Variants in LRP1B observed in about 807,000 individuals in gnomAD.
LRP1B encodes the protein LDL receptor related protein 1B.
A neutral mutation model predicts 556.6 loss-of-function variants in LRP1B; 217 were observed. The observed-to-expected ratio is 0.39, with a 90% CI of 0.35 to 0.44. The LOEUF (loss-of-function observed/expected upper bound fraction) is 0.44, where lower values mean the gene tolerates loss of function less well. LRP1B is among the 20% of genes least tolerant of loss of function. The pLI is 1.00. For missense variants in LRP1B, 5,053 were observed against 5,620.8 expected (o/e 0.90, Z 3.23); for synonymous variants, 2,047 against 1,865.8 (o/e 1.10, Z -2.50).
At chr2:141,293,947 G>A (rs1467441637) in intron 3 of LRP1B, among the ~76,000 whole-genome samples, 1 of 152,084 alleles carries the variant, frequency 6.6e-6, no homozygotes, top group African/African-American at 2.4e-5. Context: ...GCATATATGT[G>A]TATGCATGTA....
intron 84 of LRP1B, among the ~76,000 whole-genome samples, chr2:140,292,246 G>T (rs1177863222): frequency 2.0e-5 from 3 of 152,096 alleles, no homozygotes; most frequent in Non-Finnish European, 4.4e-5. Context: ...TAATCTCAAA[G>T]GGTTGTGTGA....
At chr2:141,324,329 A>G (rs2105477826) in intron 3 of LRP1B, among the ~76,000 whole-genome samples, 1 of 152,274 alleles carries the variant, frequency 6.6e-6, no homozygotes, top group Admixed American at 6.5e-5. Context: ...AAAATAAGAA[A>G]GAGCATCTCC....
intron 20 of LRP1B, among the ~76,000 whole-genome samples, chr2:140,924,471 A>T (rs1486878635): frequency 6.6e-6 from 1 of 152,092 alleles, no homozygotes; most frequent in African/African-American, 2.4e-5. Flanking sequence ...ACAATATTAT[A>T]AAGATGTTCA....
chr2:140,442,664 C>CA, intron 65 of LRP1B, 41 bp from the exon 66 acceptor site: 1 of 1,598,502 alleles, frequency 6.3e-7, no homozygotes, highest in Non-Finnish European at 8.5e-7. Flanking sequence ...CTTTGGAGAA[C>CA]ATATTTATTT....
intron 1 of LRP1B, among the ~76,000 whole-genome samples, chr2:141,891,057 CTCTCTTGAGATCTAACCT>C (rs1699275431): frequency 6.6e-6 from 1 of 152,056 alleles, no homozygotes; most frequent in African/African-American, 2.4e-5. Context: ...CAAAGATTAC[CTCTCTTGAGATCTAACCT>C]TCTCCACTTT....
chr2:141,200,293 A>G (rs79626561), intron 6 of LRP1B, among the ~76,000 whole-genome samples: 6,423 of 152,176 alleles, frequency 0.042, 465 homozygotes, highest in African/African-American at 0.14. Context: ...CAGTAACATG[A>G]ATGGAGCTGG....
Position 140,766,627 on chromosome 2 carries a change from T to C in LRP1B, c.5758+2586A>G, listed in dbSNP as rs1466895534. 2.0e-5 allele frequency among the ~76,000 whole-genome samples: 3 copies of C among 151,012 alleles called. No individual in the cohort carries two copies. In the East Asian group the frequency reaches 5.9e-4, roughly 29 times the overall value. On this transcript the variant is annotated intron_variant, in intron 35 of 90. Coordinates refer to ENST00000389484, the MANE Select transcript of LRP1B (RefSeq NM_018557.3). ...AAGCATCAGCTCTACAGACTGATGATGATGATGATGATGATGATGTTTATC... is the reference window on the plus strand; with the variant it reads ...AAGCATCAGCTCTACAGACTGATGACGATGATGATGATGATGATGTTTATC...
At chr2:140,878,055 C>T (rs796252620) in intron 25 of LRP1B, among the ~76,000 whole-genome samples, 11 of 151,898 alleles carry the variant, frequency 7.2e-5, no homozygotes, top group African/African-American at 2.2e-4. Flanking sequence ...GTTTATTGTT[C>T]GATAATGAAA....
intron 2 of LRP1B, among the ~76,000 whole-genome samples, 163 bp downstream of exon 2, chr2:141,810,103 GAAAGAAAGAAAAA>G (rs1696293168): frequency 7.9e-6 from 1 of 126,542 alleles, no homozygotes; most frequent in African/African-American, 2.8e-5. Context: ...AAAAAAGAAA[GAAAGAAAGAAAAA>G]GAAAGAAAGA....
At chr2:140,262,144 C>T (rs78768846) in intron 86 of LRP1B, among the ~76,000 whole-genome samples, 4,608 of 151,950 alleles carry the variant, frequency 0.03, 111 homozygotes, top group East Asian at 0.13. Context: ...GACTACAATG[C>T]CGAAACTTTA....
intron 41 of LRP1B, among the ~76,000 whole-genome samples, chr2:140,660,869 G>GT (rs1685066578): frequency 9.1e-6 from 1 of 110,356 alleles, no homozygotes; most frequent in South Asian, 2.9e-4. Context: ...CTGTCTTTTT[G>GT]TGTTTTTTTT....
At chr2:140,666,541 G>C (rs1434895301) in intron 41 of LRP1B, among the ~76,000 whole-genome samples, 3 of 152,066 alleles carry the variant, frequency 2.0e-5, no homozygotes, top group African/African-American at 7.2e-5. Context: ...TATGATCTTT[G>C]TTATTACTTG....
intron 52 of LRP1B, 30 bp downstream of exon 52, chr2:140,509,898 T>C (rs766349470): frequency 1.9e-6 from 3 of 1,592,496 alleles, no homozygotes; most frequent in South Asian, 1.1e-5. Flanking sequence ...ACAGTTTTCT[T>C]TGACATGCAG....
chr2:141,694,475 CCCAACAATCACT>C (rs1286805167), intron 2 of LRP1B, among the ~76,000 whole-genome samples: 3 of 151,962 alleles, frequency 2.0e-5, no homozygotes, highest in Non-Finnish European at 4.4e-5. Context: ...ATTTACTCAT[CCCAACAATCACT>C]CTTATTTTAT....
chr2:141,493,609 C>G lies in LRP1B; in HGVS notation c.206-13076G>C, dbSNP rs184741191. ...GCAAATGAGAGACATCACAGGCAGG[C>G]TGACAGGCAAATAGGTGGAGTCATC... On this transcript the variant is annotated intron_variant, in intron 2 of 90. Coordinates refer to ENST00000389484, the MANE Select transcript of LRP1B (RefSeq NM_018557.3). Among the ~76,000 whole-genome samples the G allele has an allele frequency of 2.9e-3, 442 of 152,252 alleles. 1 individual carries two copies. Among genetic ancestry groups the G allele is most frequent in the Non-Finnish European group, 5.1e-3 (346 of 68,006 alleles).
intron 67 of LRP1B, among the ~76,000 whole-genome samples, chr2:140,379,719 C>G (rs539471280): frequency 2.0e-5 from 3 of 151,818 alleles, no homozygotes; most frequent in Non-Finnish European, 4.4e-5. Flanking sequence ...GAAAAGAAAC[C>G]CTTCAGAACA....
intron 6 of LRP1B, among the ~76,000 whole-genome samples, chr2:141,213,635 C>G (rs1409124712): frequency 3.3e-5 from 5 of 152,236 alleles, no homozygotes; most frequent in African/African-American, 9.6e-5. Context: ...CTCATCAACA[C>G]TATAATGAAA....
intron 63 of LRP1B, among the ~76,000 whole-genome samples, 163 bp from the exon 64 acceptor site, chr2:140,444,842 A>C (rs762088249): frequency 1.3e-5 from 2 of 152,176 alleles, no homozygotes; most frequent in Non-Finnish European, 2.9e-5. Flanking sequence ...GTTTAGCTAT[A>C]CTTTGAGCAA....
chr2:140,826,506 A>T (rs1573770255), intron 31 of LRP1B, among the ~76,000 whole-genome samples: 1 of 152,198 alleles, frequency 6.6e-6, no homozygotes, highest in Non-Finnish European at 1.5e-5. Context: ...CAAGATGATC[A>T]CCAGCAACAT....
Sources: gnomAD v4.1 joint callset for allele counts (sites outside exome capture counted in the v4.1 genomes callset) on GRCh38, gnomAD v4.1.1 for gene constraint, MANE v1.5 for transcripts, NCBI Gene and HGNC (gene_info 2026-07-23, HGNC 2026-07-21) for gene names.